Variants in YAP1 observed in about 807,000 individuals in gnomAD.
YAP1 encodes the protein transcriptional coactivator YAP1.
In YAP1, 5 loss-of-function variants were observed where a neutral mutation model predicts 56.9. The ratio of observed to expected loss-of-function variants is 0.09; its 90% CI spans 0.05 to 0.18. The LOEUF (loss-of-function observed/expected upper bound fraction) is 0.18, where lower values mean the gene tolerates loss of function less well. Ranked by LOEUF, YAP1 falls within the 10% of genes least tolerant of loss-of-function variation. The probability of loss-of-function intolerance (pLI) is 1.00; values close to 1 mark genes in which losing one functional copy is unlikely to be tolerated. For synonymous variants in YAP1, 265 were observed against 248.1 expected (o/e 1.07, Z -0.64); for missense variants, 539 against 651.8 (o/e 0.83, Z 1.88).
intron 7 of YAP1, 142 bp downstream of exon 7, chr11:102,223,894 A>T (rs766083851): frequency 2.7e-6 from 3 of 1,097,586 alleles, no homozygotes; most frequent in Non-Finnish European, 3.9e-6. Context: ...GTAAATGGCA[A>T]GTACATGCAG....
intron 1 of YAP1, chr11:102,112,425 C>CTTTTTTTTTTTTTT (rs751339753): frequency 2.8e-6 from 2 of 704,138 alleles, no homozygotes; most frequent in Non-Finnish European, 3.3e-6. Flanking sequence ...ATTTCTTCTT[C>CTTTTTTTTTTTTTT]TTTTTTTTTT....
At position 102,114,414 on chromosome 11, in the gene YAP1, G is replaced by A. The variant is rs780524662; in HGVS notation, c.572+20G>A. 1.2e-5 allele frequency: 19 copies of A among 1,601,368 alleles called. No individual in the cohort carries two copies. Among genetic ancestry groups the A allele is most frequent in the Admixed American group, 1.7e-5 (1 of 59,804 alleles). ...CTTAAAGTAAGTGAAAATAATGGTG[G>A]GAGACAGTTATCTAAGACAAATATG... On this transcript the variant is annotated intron_variant, in intron 2 of 8. Coordinates refer to ENST00000282441, the MANE Select transcript of YAP1 (RefSeq NM_001130145.3).
chr11:102,202,710 A>G (rs1191818352), intron 4 of YAP1, among the ~76,000 whole-genome samples: 1 of 152,136 alleles, frequency 6.6e-6, no homozygotes, highest in Non-Finnish European at 1.5e-5. Flanking sequence ...CCTCTAATGA[A>G]ATAATGGGTT....
In YAP1 at chr11:102,110,684, G is replaced by T; in HGVS notation, c.-165G>T. On this transcript the variant is annotated 5_prime_UTR_variant, in exon 1 of 9. Coordinates refer to ENST00000282441, the MANE Select transcript of YAP1 (RefSeq NM_001130145.3). ...GGGCGGGGGCGGAGGCGCCGGGGCG[G>T]GGGATGCGGGGCCGCGGCGCAGCCC... 1 of 485,502 alleles carries T rather than the reference G, an allele frequency of 2.1e-6. No individual in the cohort carries two copies. The highest frequency in any genetic ancestry group is 9.8e-5 in the South Asian group (1 of 10,254). The allele number at this position is 485,502 out of a possible 1,614,324, so 30.1% of individuals were successfully genotyped here. A position where few individuals can be genotyped will look rare whatever the true frequency, so the allele number is the denominator to read the frequency against.
At chr11:102,172,328 T>TG (rs1300575398) in intron 3 of YAP1, among the ~76,000 whole-genome samples, 3 of 139,728 alleles carry the variant, frequency 2.1e-5, no homozygotes, top group African/African-American at 8.8e-5. Context: ...TTTTTTTTTT[T>TG]GGACACAGGG....
chr11:102,228,634 CA>C (rs71059544), intron 8 of YAP1, among the ~76,000 whole-genome samples: 1,435 of 31,542 alleles, frequency 0.045, 19 homozygotes, highest in Admixed American at 0.11. Context: ...GACTCCGTCT[CA>C]AAAAAAAAAA....
chr11:102,159,140 C>CT (rs1488600649), intron 2 of YAP1, among the ~76,000 whole-genome samples: 3 of 152,164 alleles, frequency 2.0e-5, no homozygotes, highest in Non-Finnish European at 1.5e-5. Context: ...ATAGTCTACA[C>CT]TTGCTGAGTT....
chr11:102,188,587 T>C (rs1441938187), intron 4 of YAP1, among the ~76,000 whole-genome samples: 1 of 152,220 alleles, frequency 6.6e-6, no homozygotes, highest in Non-Finnish European at 1.5e-5. Context: ...TTTTCTATGT[T>C]TAGATACACA....
chr11:102,214,389 A>G (rs1358117501), intron 6 of YAP1, among the ~76,000 whole-genome samples: 3 of 152,228 alleles, frequency 2.0e-5, no homozygotes, highest in Admixed American at 2.0e-4. Flanking sequence ...ATACTGCACC[A>G]TTACCTCTCA....
At chr11:102,200,538 G>A (rs892007727) in intron 4 of YAP1, among the ~76,000 whole-genome samples, 5 of 149,710 alleles carry the variant, frequency 3.3e-5, no homozygotes, top group African/African-American at 7.5e-5. Context: ...TCTGCCCCCC[G>A]TGTTCAAGTG....
At position 102,155,845 on chromosome 11, in the gene YAP1, A is replaced by G. The variant is rs371877725; in HGVS notation, c.573-6611A>G. Among the ~76,000 whole-genome samples the G allele has an allele frequency of 5.3e-5, 8 of 152,244 alleles. No homozygotes were observed. In the East Asian group the frequency reaches 1.2e-3, roughly 22 times the overall value. ...AACTAGATTCCCTCACTGTAGTCGT[A>G]TGAGCCAGCCGACTGAACAGATCCT... On this transcript the variant is annotated intron_variant, in intron 2 of 8. Coordinates refer to ENST00000282441, the MANE Select transcript of YAP1 (RefSeq NM_001130145.3).
At chr11:102,138,517 C>A (rs1260658719) in intron 2 of YAP1, among the ~76,000 whole-genome samples, 2 of 152,180 alleles carry the variant, frequency 1.3e-5, no homozygotes, top group Non-Finnish European at 2.9e-5. Context: ...TTAAGGCCTC[C>A]TGAGGCCATT....
chr11:102,117,997 A>G (rs558082822), intron 2 of YAP1, among the ~76,000 whole-genome samples: 93 of 152,292 alleles, frequency 6.1e-4, no homozygotes, highest in African/African-American at 2.1e-3. Context: ...TCAGTATTCT[A>G]TAATATCTCT....
At chr11:102,160,919 A>G (rs993420792) in intron 2 of YAP1, among the ~76,000 whole-genome samples, 3 of 152,166 alleles carry the variant, frequency 2.0e-5, no homozygotes, top group Admixed American at 6.5e-5. Context: ...TGAAAAAACA[A>G]GAACTCATAA....
chr11:102,166,703 T>C (rs973727393), intron 3 of YAP1, among the ~76,000 whole-genome samples: 1 of 152,226 alleles, frequency 6.6e-6, no homozygotes, highest in Non-Finnish European at 1.5e-5. Flanking sequence ...TGAAGCACTC[T>C]ACTGGGTTAA....
chr11:102,172,699 T>C (rs527464664), intron 3 of YAP1, among the ~76,000 whole-genome samples: 15 of 152,052 alleles, frequency 9.9e-5, no homozygotes, highest in Admixed American at 2.0e-4. Context: ...ATGAGTCAGA[T>C]ATTAAAAGTG....
intron 3 of YAP1, among the ~76,000 whole-genome samples, chr11:102,166,246 T>C (rs143996703): frequency 1.6e-4 from 24 of 152,366 alleles, no homozygotes; most frequent in African/African-American, 5.8e-4. Context: ...GATCAAGTGC[T>C]GAGGGTACTG....
intron 2 of YAP1, among the ~76,000 whole-genome samples, chr11:102,141,534 GA>G (rs981521403): frequency 6.6e-6 from 1 of 151,884 alleles, no homozygotes; most frequent in Non-Finnish European, 1.5e-5. Flanking sequence ...AGGAACTCAG[GA>G]AAAAAAGAGA....
At chr11:102,120,424 A>T (rs114466314) in intron 2 of YAP1, among the ~76,000 whole-genome samples, 1 of 152,232 alleles carries the variant, frequency 6.6e-6, no homozygotes, top group Non-Finnish European at 1.5e-5. Context: ...GATGTTGCAA[A>T]TTAATAAAAT....
Sources: allele counts gnomAD v4.1 joint callset (sites outside exome capture counted in the v4.1 genomes callset), GRCh38; gene constraint gnomAD v4.1.1; transcripts MANE v1.5; gene names NCBI Gene and HGNC (gene_info 2026-07-23, HGNC 2026-07-21).